HORMAD2: variants seen among roughly 807,000 people sequenced by gnomAD.
HORMAD2 encodes HORMA domain-containing protein 2.
HORMAD2 carries 45 observed loss-of-function variants against 38.8 expected under a neutral mutation model. The ratio of observed to expected loss-of-function variants is 1.16; its 90% CI spans 0.91 to 1.49. The LOEUF (loss-of-function observed/expected upper bound fraction) is 1.49, where lower values mean the gene tolerates loss of function less well. Among genes scored for constraint, HORMAD2 ranks in the 40% most tolerant of loss-of-function variants. The pLI is 0.00. For missense variants in HORMAD2, 338 were observed against 367.0 expected, an observed-to-expected ratio of 0.92 and a Z score of 0.65; for synonymous variants, 126 against 122.8, an observed-to-expected ratio of 1.03 and a Z score of -0.17.
chr22:30,155,500 G>A (rs1194882695), intron 10 of HORMAD2, among the ~76,000 whole-genome samples: 1 of 152,098 alleles, frequency 6.6e-6, no homozygotes, highest in Non-Finnish European at 1.5e-5. Context: ...CTTACATCCT[G>A]TTACAAGCTG....
chr22:30,164,407 T>C (rs528348184), intron 10 of HORMAD2, among the ~76,000 whole-genome samples: 247 of 152,332 alleles, frequency 1.6e-3, no homozygotes, highest in African/African-American at 5.7e-3. Flanking sequence ...CCATTTAACA[T>C]TTCTACCAGC....
At chr22:30,121,532 T>C (rs1486660358) in intron 8 of HORMAD2, 100 bp from the exon 9 acceptor site, 1 of 920,696 alleles carries the variant, frequency 1.1e-6, no homozygotes, top group Non-Finnish European at 1.5e-6. Context: ...TATACTAATG[T>C]TTAATTTATA....
rs576158463 is a variant in HORMAD2 at position 30,168,723 on chromosome 22, G to A, written c.820-7340G>A. On this transcript the variant is annotated intron_variant, in intron 10 of 10. Coordinates refer to ENST00000336726, the MANE Select transcript of HORMAD2 (RefSeq NM_152510.4). The stretch of plus-strand genomic sequence containing the variant: ...CAGGCACTCATTCTGTCTCTCCTGA[G>A]CCCTCTATCCTTTTAATGTTTTCCC... 1.2e-4 allele frequency among the ~76,000 whole-genome samples: 18 copies of A among 152,186 alleles called. No individual in the cohort carries two copies. The East Asian group carries it at 3.3e-3, about 28-fold the overall frequency.
At chr22:30,130,686 G>T (rs1331531596) in intron 10 of HORMAD2, among the ~76,000 whole-genome samples, 1 of 150,134 alleles carries the variant, frequency 6.7e-6, no homozygotes, top group Non-Finnish European at 1.5e-5. Context: ...TGCCTCCTGG[G>T]ATCAAGCCAT....
chr22:30,182,573 A>G, the HORMAD2 span, among the ~76,000 whole-genome samples: 1 of 152,166 alleles, frequency 6.6e-6, no homozygotes, highest in South Asian at 2.1e-4. Flanking sequence ...AAACACAATC[A>G]TGGCTGTGGA....
chr22:30,117,861 TGTC>T (rs1922161270), intron 7 of HORMAD2, among the ~76,000 whole-genome samples: 6 of 152,220 alleles, frequency 3.9e-5, no homozygotes, highest in Non-Finnish European at 5.9e-5. Flanking sequence ...TGAGGAAATT[TGTC>T]CCTCTTTATT....
At chr22:30,139,046 A>G (rs1923867963) in intron 10 of HORMAD2, among the ~76,000 whole-genome samples, 1 of 151,422 alleles carries the variant, frequency 6.6e-6, no homozygotes, top group Non-Finnish European at 1.5e-5. Flanking sequence ...GCGGGAGGGA[A>G]TGCTCCAGCA....
intron 1 of HORMAD2, among the ~76,000 whole-genome samples, chr22:30,088,452 T>A (rs946615583): frequency 3.3e-5 from 5 of 151,578 alleles, no homozygotes; most frequent in African/African-American, 9.7e-5. Flanking sequence ...ATTAATTTAA[T>A]CTAGGCCATC....
At chr22:30,124,194 A>T (rs1438019417) in intron 10 of HORMAD2, among the ~76,000 whole-genome samples, 3 of 150,886 alleles carry the variant, frequency 2.0e-5, no homozygotes, top group Non-Finnish European at 4.4e-5. Flanking sequence ...AAGTCTAGTA[A>T]AGTGGTTACT....
At chr22:30,120,987 C>T (rs189104714) in intron 8 of HORMAD2, among the ~76,000 whole-genome samples, 1 of 152,092 alleles carries the variant, frequency 6.6e-6, no homozygotes, top group African/African-American at 2.4e-5. Context: ...TGATTGAAAA[C>T]TGATGGATAT....
intron 10 of HORMAD2, among the ~76,000 whole-genome samples, chr22:30,134,113 C>T (rs974054472): frequency 5.9e-5 from 9 of 152,076 alleles, no homozygotes; most frequent in African/African-American, 1.9e-4. Flanking sequence ...GAATGTTCTA[C>T]TGGGGCCAGG....
downstream of HORMAD2, among the ~76,000 whole-genome samples, chr22:30,180,478 G>A (rs1926652101): frequency 6.6e-6 from 1 of 152,132 alleles, no homozygotes; most frequent in Admixed American, 6.5e-5. Flanking sequence ...AGCAAAGTTA[G>A]TTTTTCATCT....
Position 30,122,102 on chromosome 22 carries a change from C to T in HORMAD2, c.707C>T (p.Thr236Ile). 6.2e-7 allele frequency: 1 copy of T among 1,613,686 alleles called. No homozygotes were observed. The highest frequency in any genetic ancestry group is 8.5e-7 in the Non-Finnish European group (1 of 1,179,786). Residue 236 changes from threonine (T) to isoleucine (I), a missense_variant, in exon 10 of 11, where the codon ACA (threonine) becomes ATA (isoleucine). By Grantham distance (89) the Thr-to-Ile change is moderately conservative (BLOSUM62 -1). Transcript: ENST00000336726. Reference sequence around the variant, plus strand: ...CATAGCATGAAAGTAAAAGTCATGACAGAGGCTACAAAAGTGATTGATTTG... The same window carrying T: ...CATAGCATGAAAGTAAAAGTCATGATAGAGGCTACAAAAGTGATTGATTTG... ...GFHSMKVKVM[T>I]EATKVIDLEN...
At chr22:30,094,213 T>C (rs1319661132) in intron 2 of HORMAD2, among the ~76,000 whole-genome samples, 1 of 152,198 alleles carries the variant, frequency 6.6e-6, no homozygotes, top group Non-Finnish European at 1.5e-5. Context: ...ACTTACTGGG[T>C]GCTTGTTTCA....
chr22:30,131,677 A>G (rs1408456229), intron 10 of HORMAD2, among the ~76,000 whole-genome samples: 1 of 152,226 alleles, frequency 6.6e-6, no homozygotes, highest in Non-Finnish European at 1.5e-5. Context: ...TTTGCTTTTT[A>G]AGCATATCCC....
At chr22:30,111,234 C>T (rs1260143835) in intron 5 of HORMAD2, among the ~76,000 whole-genome samples, 1 of 151,534 alleles carries the variant, frequency 6.6e-6, no homozygotes, top group African/African-American at 2.4e-5. Flanking sequence ...GCCTGTAATT[C>T]CAGCACTTTG....
At chr22:30,106,735 G>A (rs1489289058) in intron 5 of HORMAD2, among the ~76,000 whole-genome samples, 8 of 152,178 alleles carry the variant, frequency 5.3e-5, no homozygotes, top group African/African-American at 7.2e-5. Flanking sequence ...CCTTTGGCAC[G>A]TAACCTACCT....
the HORMAD2 span, among the ~76,000 whole-genome samples, chr22:30,193,823 A>G: frequency 6.6e-6 from 1 of 152,160 alleles, no homozygotes; most frequent in Non-Finnish European, 1.5e-5. Context: ...CTGAGTTTTC[A>G]TGAGTGGAAT....
chr22:30,172,765 G>A (rs1926190766), intron 10 of HORMAD2, among the ~76,000 whole-genome samples: 1 of 152,076 alleles, frequency 6.6e-6, no homozygotes, highest in Non-Finnish European at 1.5e-5. Flanking sequence ...GCGGGTACCT[G>A]TAATCCCAGC....
Sources: gnomAD v4.1 joint callset for allele counts (sites outside exome capture counted in the v4.1 genomes callset) on GRCh38, gnomAD v4.1.1 for gene constraint, MANE v1.5 for transcripts, NCBI Gene and HGNC (gene_info 2026-07-23, HGNC 2026-07-21) for gene names.